KRT86: variants seen among roughly 807,000 people sequenced by gnomAD.
KRT86 encodes the protein keratin 86, also known as keratin, type II cuticular Hb6.
A neutral mutation model predicts 41.2 loss-of-function variants in KRT86; 30 were observed. The observed-to-expected ratio is 0.73, with a 90% CI of 0.54 to 0.99. The LOEUF (loss-of-function observed/expected upper bound fraction) is 0.99, where lower values mean the gene tolerates loss of function less well. Among genes scored for constraint, KRT86 ranks in the 50% least tolerant of loss-of-function variants. The pLI is 0.00. For missense variants in KRT86, 561 were observed against 571.4 expected, an observed-to-expected ratio of 0.98 and a Z score of 0.19; for synonymous variants, 238 against 238.1, an observed-to-expected ratio of 1.00 and a Z score of 0.00.
rs1392218348 is a variant in KRT86, at chr12:52,309,067, T to G, written c.*482T>G. The G allele has an allele frequency of 6.3e-6, 1 of 158,644 alleles. No homozygotes were observed. Among genetic ancestry groups the G allele is most frequent in the Non-Finnish European group, 1.4e-5 (1 of 72,428 alleles). 9.8% of individuals were successfully genotyped at this position (158,644 alleles called of 1,614,324 possible). A position where few individuals can be genotyped will look rare whatever the true frequency, so the allele number is the denominator to read the frequency against. ...GGGGAGAACATCTCCCTTCCGGGGC[T>G]GCCCTCAAGAGCTTCTGAAAAACTA... On this transcript the variant is annotated 3_prime_UTR_variant, in exon 11 of 11. Transcript: ENST00000423955.
chr12:52,300,305 G>T (rs920762370), intron 2 of KRT86, among the ~76,000 whole-genome samples: 2 of 152,176 alleles, frequency 1.3e-5, no homozygotes, highest in South Asian at 4.1e-4. Flanking sequence ...TACTCTATTT[G>T]ATTTTCTCAT....
At position 52,304,969 on chromosome 12, in the gene KRT86, A is replaced by T. The variant is rs771581226; in HGVS notation, c.677A>T (p.Glu226Val). The part of the protein sequence containing the change: ...DCAYLRKSDL[E>V]ANVEALIQEI... Reference sequence around the variant, plus strand: ...GCCTACCTCCGCAAATCAGACCTGGAGGCCAATGTGGAGGCCCTGATCCAG... The same window carrying T: ...GCCTACCTCCGCAAATCAGACCTGGTGGCCAATGTGGAGGCCCTGATCCAG... Residue 226 changes from glutamate to valine, a missense_variant, in exon 6 of 11, where the codon GAG (glutamate) becomes GTG (valine). By Grantham distance (121) the Glu-to-Val change is moderately radical (BLOSUM62 -2). This residue lies in a region of KRT86 where 397 missense variants were observed against 375.9 expected (regional missense o/e 1.06). Transcript: ENST00000423955. The T allele has an allele frequency of 6.2e-7, 1 of 1,614,150 alleles. No individual in the cohort carries two copies. Among genetic ancestry groups the T allele is most frequent in the South Asian group, 1.1e-5 (1 of 91,080 alleles).
At chr12:52,280,500 T>C (rs1937748178) in intron 2 of KRT86, among the ~76,000 whole-genome samples, 1 of 152,236 alleles carries the variant, frequency 6.6e-6, no homozygotes. Flanking sequence ...TGGGCTTTAC[T>C]TTTTAAGGCA....
At chr12:52,297,566 T>C (rs1938280028) in intron 2 of KRT86, among the ~76,000 whole-genome samples, 1 of 152,336 alleles carries the variant, frequency 6.6e-6, no homozygotes, top group African/African-American at 2.4e-5. Context: ...AACTTTCTAA[T>C]GTTAAAACCA....
At chr12:52,306,464 C>T (rs1938521815) in intron 9 of KRT86, among the ~76,000 whole-genome samples, 184 bp downstream of exon 9, 1 of 152,230 alleles carries the variant, frequency 6.6e-6, no homozygotes, top group African/African-American at 2.4e-5. Context: ...TTCACCCAGG[C>T]ACTGATCTGA....
chr12:52,294,242 T>C (rs1938199657), intron 2 of KRT86, among the ~76,000 whole-genome samples: 1 of 152,178 alleles, frequency 6.6e-6, no homozygotes, highest in Non-Finnish European at 1.5e-5. Context: ...AAAGTACATC[T>C]CATCCACACT....
intron 2 of KRT86, chr12:52,291,615 C>G (rs1300253911): frequency 7.9e-7 from 1 of 1,269,342 alleles, no homozygotes; most frequent in Non-Finnish European, 1.1e-6. Flanking sequence ...GGGCAATTTG[C>G]GCTTTATGGG....
intron 2 of KRT86, chr12:52,287,573 C>T (rs1284343498): frequency 1.2e-5 from 19 of 1,613,926 alleles, no homozygotes; most frequent in Non-Finnish European, 1.5e-5. Flanking sequence ...GTCTCTCTGA[C>T]CTTGCGCACA....
chr12:52,283,924 C>T (rs973390819), intron 2 of KRT86, among the ~76,000 whole-genome samples: 46 of 152,312 alleles, frequency 3.0e-4, no homozygotes, highest in African/African-American at 1.1e-3. Context: ...CCTTGCTCCT[C>T]TGTCTGAGCC....
At chr12:52,304,767 AG>A (rs1433086008) in intron 5 of KRT86, among the ~76,000 whole-genome samples, 164 bp from the exon 6 acceptor site, 1 of 151,886 alleles carries the variant, frequency 6.6e-6, no homozygotes, top group Non-Finnish European at 1.5e-5. Flanking sequence ...AGAATGGCAG[AG>A]GATGCCAGGT....
intron 2 of KRT86, chr12:52,287,152 C>G: frequency 6.2e-7 from 1 of 1,613,558 alleles, no homozygotes; most frequent in South Asian, 1.1e-5. Context: ...TCTCGATGTC[C>G]AGGCCCAGCT....
intron 2 of KRT86, among the ~76,000 whole-genome samples, chr12:52,299,264 T>C (rs1938318753): frequency 6.6e-6 from 1 of 152,242 alleles, no homozygotes; most frequent in South Asian, 2.1e-4. Flanking sequence ...TCCATGTTGT[T>C]GCAAATGACA....
rs140173379 is a variant in KRT86, at chr12:52,275,841, T to C, written c.-110T>C. 4.5e-4 allele frequency: 441 copies of C among 985,954 alleles called. 4 individuals are homozygous for C. In the African/African-American group the frequency reaches 7.0e-3, roughly 16 times the overall value. The allele number at this position is 985,954 out of a possible 1,614,324, so 61.1% of individuals were successfully genotyped here. A position where few individuals can be genotyped will look rare whatever the true frequency, so the allele number is the denominator to read the frequency against. ...CACAGTGTGAGGAATTAAAGGCAAC[T>C]GTGCAGAAACACACGCAGAGCCTGA... is the stretch of plus-strand genomic sequence containing the variant. On this transcript the variant is annotated 5_prime_UTR_variant, in exon 2 of 11. Coordinates refer to ENST00000423955, the MANE Select transcript of KRT86 (RefSeq NM_001320198.2).
At chr12:52,291,730 A>G (rs1032071408) in intron 2 of KRT86, among the ~76,000 whole-genome samples, 6 of 142,876 alleles carry the variant, frequency 4.2e-5, no homozygotes, top group Non-Finnish European at 8.8e-5. Context: ...GCTCTGGGGG[A>G]GTCAGCATGT....
At chr12:52,281,213 A>C (rs1937764446) in intron 2 of KRT86, among the ~76,000 whole-genome samples, 1 of 152,214 alleles carries the variant, frequency 6.6e-6, no homozygotes, top group Non-Finnish European at 1.5e-5. Context: ...TGGCTTCTGA[A>C]GGGAGGAGGG....
chr12:52,306,287 C>G lies in KRT86; in HGVS notation c.1247+7C>G, dbSNP rs528524587. The G allele has an allele frequency of 3.7e-6, 6 of 1,613,274 alleles. No homozygotes were observed. In the South Asian group the frequency reaches 4.4e-5, roughly 12 times the overall value. On this transcript the variant is annotated splice_region_variant and intron_variant, in intron 9 of 10. Transcript: ENST00000423955. ...TGGAGGGCGAGGAGCAGAGGTGGGT[C>G]CCATAGACCTTTCCCTTTCCCAGCC...
At position 52,308,544 on chromosome 12, in the gene KRT86, G is replaced by T. The variant is rs751326981; in HGVS notation, c.1420G>T (p.Ala474Ser). 3 of 1,600,890 alleles carry T rather than the reference G, an allele frequency of 1.9e-6. No individual in the cohort carries two copies. The East Asian group carries it at 6.7e-5, about 36-fold the overall frequency. The change falls in exon 11 of 11, where the codon GCC becomes TCC. Residue 474 changes from alanine (A) to serine (S), a missense_variant. Physicochemically the swap from Ala to Ser is moderately conservative, Grantham distance 99 (BLOSUM62 1). Around this residue, in one of 3 missense-constraint regions of KRT86, gnomAD observed 397 missense variants for 375.9 expected, o/e 1.06. Coordinates refer to ENST00000423955, the MANE Select transcript of KRT86 (RefSeq NM_001320198.2). ...VGTTNACAPS[A>S]RVGVCGGSCK... ...CACTACTAACGCCTGCGCCCCCTCCGCCCGGGTTGGCGTCTGCGGCGGCAG... is the reference window on the plus strand; with the variant it reads ...CACTACTAACGCCTGCGCCCCCTCCTCCCGGGTTGGCGTCTGCGGCGGCAG...
At chr12:52,292,127 A>T (rs1429255513) in intron 2 of KRT86, among the ~76,000 whole-genome samples, 2 of 152,182 alleles carry the variant, frequency 1.3e-5, no homozygotes, top group Non-Finnish European at 2.9e-5. Context: ...TTATGATGAA[A>T]GCTTTCAAAT....
intron 2 of KRT86, among the ~76,000 whole-genome samples, chr12:52,301,483 C>A (rs1938374004): frequency 6.6e-6 from 1 of 152,096 alleles, no homozygotes; most frequent in African/African-American, 2.4e-5. Context: ...GCACCGCGGA[C>A]AGCGGCATTG....
Sources: allele counts gnomAD v4.1 joint callset (sites outside exome capture counted in the v4.1 genomes callset), GRCh38; gene constraint gnomAD v4.1.1; regional missense constraint gnomAD v4.1.1; transcripts MANE v1.5; gene names NCBI Gene and HGNC (gene_info 2026-07-23, HGNC 2026-07-21).